The following NMBR variants were observed in gnomAD, a reference collection of about 807,000 sequenced individuals.
NMBR encodes the protein neuromedin B receptor, also known as neuromedin-B receptor.
Under a neutral mutation model 20.5 loss-of-function variants are expected in NMBR, and 16 were observed. The ratio of observed to expected loss-of-function variants is 0.78; its 90% CI spans 0.53 to 1.19. The LOEUF (loss-of-function observed/expected upper bound fraction) is 1.19, where lower values mean the gene tolerates loss of function less well. Among genes scored for constraint, NMBR ranks in the 50% most tolerant of loss-of-function variants. NMBR has a pLI of 0.00. For missense variants in NMBR, 582 were observed against 499.1 expected (o/e 1.17, Z -1.58); for synonymous variants, 212 against 196.6 (o/e 1.08, Z -0.65).
At chr6:142,140,619 A>G (rs1397795438) in intron 1 of NMBR, among the ~76,000 whole-genome samples, 1 of 152,162 alleles carries the variant, frequency 6.6e-6, no homozygotes, top group East Asian at 1.9e-4. Context: ...GAGATTGTCT[A>G]AATGTATCTT....
chr6:142,080,625 C>T (rs1329018261), intron 2 of NMBR, among the ~76,000 whole-genome samples: 1 of 152,032 alleles, frequency 6.6e-6, no homozygotes, highest in East Asian at 1.9e-4. Context: ...TGCTATGTAC[C>T]TATAAAACTA....
At chr6:142,144,155 C>T (rs142612830) in intron 1 of NMBR, among the ~76,000 whole-genome samples, 6 of 152,122 alleles carry the variant, frequency 3.9e-5, no homozygotes, top group East Asian at 1.9e-4. Flanking sequence ...CATTCTTCTG[C>T]GGAAAATTTA....
At chr6:142,118,889 T>C (rs929976105) in intron 1 of NMBR, among the ~76,000 whole-genome samples, 1 of 152,076 alleles carries the variant, frequency 6.6e-6, no homozygotes, top group African/African-American at 2.4e-5. Context: ...GTGTATTAGA[T>C]TGGGTCCATA....
intron 1 of NMBR, among the ~76,000 whole-genome samples, chr6:142,126,024 C>A (rs1017181820): frequency 7.9e-5 from 12 of 151,798 alleles, no homozygotes; most frequent in Non-Finnish European, 1.0e-4. Context: ...CTGAAACTTT[C>A]TAGTCTTTGA....
intron 1 of NMBR, among the ~76,000 whole-genome samples, chr6:142,130,560 A>G (rs965764840): frequency 7.2e-5 from 11 of 152,102 alleles, no homozygotes; most frequent in Admixed American, 5.9e-4. Context: ...TAATTATATG[A>G]CTCTTACTAA....
chr6:142,095,724 A>T (rs1444225639), intron 1 of NMBR, among the ~76,000 whole-genome samples: 1 of 152,106 alleles, frequency 6.6e-6, no homozygotes, highest in Non-Finnish European at 1.5e-5. Context: ...TTCAGAAGGG[A>T]TGGTATCAGT....
intron 1 of NMBR, among the ~76,000 whole-genome samples, chr6:142,126,546 C>G (rs1778041307): frequency 6.6e-6 from 1 of 151,848 alleles, no homozygotes; most frequent in Non-Finnish European, 1.5e-5. Context: ...TACAAGTGCT[C>G]CCTTTTCTCT....
chr6:142,094,858 G>C (rs1777412896), intron 1 of NMBR, among the ~76,000 whole-genome samples: 2 of 152,094 alleles, frequency 1.3e-5, no homozygotes, highest in South Asian at 4.1e-4. Context: ...TCCTTGAAGA[G>C]GTCCTTCACG....
rs1582841917 is a variant in NMBR, at chr6:142,091,153, G to A, written c.-663-1832C>T. On this transcript the variant is annotated intron_variant, in intron 1 of 3. Coordinates refer to ENST00000258042, the MANE Select transcript of NMBR (RefSeq NM_002511.4). ...AGATTCATCACAAAATTACATATAA[G>A]AACACAGTATTGTCTCATATTAATA... is the stretch of plus-strand genomic sequence containing the variant. Among the ~76,000 whole-genome samples, 5 of 152,176 alleles carry A rather than the reference G, an allele frequency of 3.3e-5. 1 individual carries two copies. Among genetic ancestry groups the A allele is most frequent in the Admixed American group, 3.3e-4 (5 of 15,284 alleles).
chr6:142,133,460 T>C (rs1040187891), intron 1 of NMBR, among the ~76,000 whole-genome samples: 1 of 152,322 alleles, frequency 6.6e-6, no homozygotes, highest in Admixed American at 6.5e-5. Context: ...CTACAATTAA[T>C]AAACATTATT....
At position 142,087,264 on chromosome 6, in the gene NMBR, A is replaced by G. The variant is rs377395797; in HGVS notation, c.422+973T>C. The stretch of plus-strand genomic sequence containing the variant: ...TCATTAGCAATTGAATATGTAAATT[A>G]AAGAGGAGAGGGCATACCACCTTAA... On this transcript the variant is annotated intron_variant, in intron 2 of 3. Coordinates refer to ENST00000258042, the MANE Select transcript of NMBR (RefSeq NM_002511.4). 1.2e-4 allele frequency among the ~76,000 whole-genome samples: 18 copies of G among 152,350 alleles called. No individual in the cohort carries two copies. The East Asian group carries it at 2.9e-3, about 24-fold the overall frequency.
chr6:142,109,187 G>A (rs1006647089), intron 1 of NMBR, among the ~76,000 whole-genome samples: 2 of 152,138 alleles, frequency 1.3e-5, no homozygotes, highest in East Asian at 1.9e-4. Flanking sequence ...GCCATTGGTG[G>A]ATCTACCATT....
chr6:142,144,784 T>C (rs1380575996), intron 1 of NMBR, among the ~76,000 whole-genome samples: 1 of 152,060 alleles, frequency 6.6e-6, no homozygotes, highest in Non-Finnish European at 1.5e-5. Context: ...AGCATGAGGC[T>C]CTTGTCTGTA....
intron 1 of NMBR, among the ~76,000 whole-genome samples, chr6:142,100,485 A>G (rs1296950985): frequency 6.6e-6 from 1 of 152,218 alleles, no homozygotes. Context: ...GATTTCAACT[A>G]TATGACATCC....
At chr6:142,143,754 A>G (rs1003146470) in intron 1 of NMBR, among the ~76,000 whole-genome samples, 14 of 150,384 alleles carry the variant, frequency 9.3e-5, no homozygotes, top group Non-Finnish European at 1.3e-4. Flanking sequence ...CAGGAGATGT[A>G]GAATAGCCAA....
rs1777231318 is a variant in NMBR, at chr6:142,088,022, C to A, written c.422+215G>T. ...GCAATTTTAATTGTTTTTTTTAAAA[C>A]ATAGTAATTTTCTTATATTTTTCCA... On this transcript the variant is annotated intron_variant, in intron 2 of 3. Coordinates refer to ENST00000258042, the MANE Select transcript of NMBR (RefSeq NM_002511.4). Among the ~76,000 whole-genome samples the A allele has an allele frequency of 2.0e-5, 3 of 152,032 alleles. No individual in the cohort carries two copies. In the South Asian group the frequency reaches 6.2e-4, roughly 32 times the overall value.
chr6:142,116,860 T>A (rs1026760222), intron 1 of NMBR, among the ~76,000 whole-genome samples: 1 of 152,040 alleles, frequency 6.6e-6, no homozygotes. Context: ...ATTATCATTG[T>A]CATTAGCATA....
chr6:142,076,199 T>A (rs1030578095), intron 3 of NMBR, 150 bp from the exon 4 acceptor site: 1 of 614,506 alleles, frequency 1.6e-6, no homozygotes, highest in Non-Finnish European at 2.7e-6. Flanking sequence ...AAAGTGATGA[T>A]GGATTTTAAC....
rs73579779 is a variant in NMBR, at chr6:142,126,823, A to G, written c.-664+20221T>C. Among the ~76,000 whole-genome samples, 492 of 130,402 alleles carry G rather than the reference A, an allele frequency of 3.8e-3. 3 individuals carry two copies. Among genetic ancestry groups the G allele is most frequent in the African/African-American group, 0.013 (420 of 33,446 alleles). The allele number at this position is 130,402 out of a possible 152,430, so 85.5% of individuals were successfully genotyped here. The stretch of plus-strand genomic sequence containing the variant: ...AGTTCTTCATATATTTTGGATATTA[A>G]CCCTTATCAGATATACAGTTTGCAA... On this transcript the variant is annotated intron_variant, in intron 1 of 3. Coordinates refer to ENST00000258042, the MANE Select transcript of NMBR (RefSeq NM_002511.4).
Sources: gnomAD v4.1 joint callset for allele counts (sites outside exome capture counted in the v4.1 genomes callset) on GRCh38, gnomAD v4.1.1 for gene constraint, MANE v1.5 for transcripts, NCBI Gene and HGNC (gene_info 2026-07-23, HGNC 2026-07-21) for gene names.